MPG: variants seen among roughly 807,000 people sequenced by gnomAD.
MPG encodes N-methylpurine DNA glycosylase.
MPG carries 33 observed loss-of-function variants against 31.7 expected under a neutral mutation model. The observed-to-expected ratio is 1.04, with a 90% CI of 0.79 to 1.39. The LOEUF (loss-of-function observed/expected upper bound fraction) is 1.39. MPG is among the 40% of genes most tolerant of loss of function. The pLI is 0.00. For missense variants in MPG, 455 were observed against 415.5 expected, an observed-to-expected ratio of 1.10 and a Z score of -0.83; for synonymous variants, 202 against 169.2, an observed-to-expected ratio of 1.19 and a Z score of -1.51.
chr16:77,541 G>C (rs1419997462), upstream of MPG, among the ~76,000 whole-genome samples: 1 of 152,242 alleles, frequency 6.6e-6, no homozygotes, highest in Non-Finnish European at 1.5e-5. Context: ...CTCTAGAGGA[G>C]GCTGCCTGCG....
rs145981332 is a variant in MPG, at chr16:83,207, C to T, written c.456C>T (p.Tyr152=). ...RGMFMKPGTL[Y]VYIIYGMYFC... ...TGTTCATGAAGCCGGGGACCCTGTA[C>T]GTGTACATCATTTACGGCATGTACT... The change falls in exon 3 of 4, where the codon TAC becomes TAT. Residue 152 remains tyrosine (Y), a synonymous_variant. Transcript: ENST00000356432. The T allele has an allele frequency of 2.1e-5, 34 of 1,613,150 alleles. No individual in the cohort carries two copies. The highest frequency in any genetic ancestry group is 1.7e-4 in the Middle Eastern group (1 of 6,058).
intron 3 of MPG, 25 bp downstream of exon 3, chr16:83,281 G>A (rs2266608): frequency 1.1e-5 from 17 of 1,595,544 alleles, no homozygotes; most frequent in Admixed American, 6.8e-5. Context: ...GGCACGGGGG[G>A]TTGGAGGGCC....
chr16:81,076 C>G (rs1898224322), intron 2 of MPG, among the ~76,000 whole-genome samples: 1 of 152,174 alleles, frequency 6.6e-6, no homozygotes, highest in South Asian at 2.1e-4. Flanking sequence ...CTAGTGGATG[C>G]CCTTGCAGAC....
chr16:79,267 G>A, intron 1 of MPG, 158 bp from the exon 2 acceptor site: 4 of 1,561,110 alleles, frequency 2.6e-6, no homozygotes, highest in Non-Finnish European at 3.5e-6. Context: ...GTGTCAGGGT[G>A]TTTGTGCCTC....
intron 2 of MPG, among the ~76,000 whole-genome samples, chr16:81,382 C>T (rs981708893): frequency 6.6e-6 from 1 of 152,168 alleles, no homozygotes; most frequent in Non-Finnish European, 1.5e-5. Context: ...TTGGGCCCCC[C>T]CAGTGTGCCC....
rs908130067 is a variant in MPG, at chr16:80,775, C to G, written c.300+1075C>G. Among the ~76,000 whole-genome samples, 3 of 152,244 alleles carry G rather than the reference C, an allele frequency of 2.0e-5. No homozygotes were observed. In the South Asian group the frequency reaches 6.2e-4, roughly 32 times the overall value. ...AGAGAGCTGAGATCACGCCATTGCA[C>G]TCCGGCCTGGGCGACAGGGCGAGAC... On this transcript the variant is annotated intron_variant, in intron 2 of 3. Coordinates refer to ENST00000356432, the MANE Select transcript of MPG (RefSeq NM_001015052.3).
At chr16:84,166 G>A (rs1898347816) in intron 3 of MPG, 1 of 152,228 alleles carries the variant, frequency 6.6e-6, no homozygotes, top group African/African-American at 2.4e-5. Flanking sequence ...GGATGTAGAG[G>A]GTCCTGCTCC....
intron 3 of MPG, 177 bp downstream of exon 3, chr16:83,433 T>G (rs1285127807): frequency 1.5e-6 from 1 of 665,844 alleles, no homozygotes; most frequent in South Asian, 1.9e-5. Context: ...GCTGGTTAGG[T>G]TAAAGGGGTA....
rs1898187962 is a variant in MPG at position 79,629 on chromosome 16, C to T, written c.229C>T (p.His77Tyr). The change falls in exon 2 of 4, where the codon CAC becomes TAC. Residue 77 changes from histidine to tyrosine, a missense_variant. Transcript: ENST00000356432. Reference protein sequence around the residue: ...RSIYFSSPKGHLTRLGLEFFD... With the variant: ...RSIYFSSPKGYLTRLGLEFFD... ...CATCTATTTCTCAAGCCCAAAGGGCCACCTTACCCGACTGGGGTTGGAGTT... is the reference window on the plus strand; with the variant it reads ...CATCTATTTCTCAAGCCCAAAGGGCTACCTTACCCGACTGGGGTTGGAGTT... 2 of 1,587,704 alleles carry T rather than the reference C, an allele frequency of 1.3e-6. No homozygotes were observed. The highest frequency in any genetic ancestry group is 2.7e-5 in the African/African-American group (2 of 74,314).
chr16:80,860 TG>T (rs1368104756), intron 2 of MPG, among the ~76,000 whole-genome samples: 2 of 152,136 alleles, frequency 1.3e-5, no homozygotes, highest in Non-Finnish European at 2.9e-5. Context: ...AAACAGCACG[TG>T]TGGCAGGTGC....
At position 79,494 on chromosome 16, in the gene MPG, G is replaced by C. The variant is rs776852627; in HGVS notation, c.94G>C (p.Ala32Pro). The change falls in exon 2 of 4, where the codon GCA becomes CCA. Residue 32 changes from alanine (A) to proline (P), a missense_variant. Ala to Pro is a conservative substitution (Grantham distance 27). Transcript: ENST00000356432. ...RAGQPHSSSD[A>P]AQAPAEQPHS... ...AGGGCAGCCACACAGCTCGTCCGACGCAGCCCAGGCACCTGCAGAGCAGCC... is the reference window on the plus strand; with the variant it reads ...AGGGCAGCCACACAGCTCGTCCGACCCAGCCCAGGCACCTGCAGAGCAGCC... 3 of 1,612,490 alleles carry C rather than the reference G, an allele frequency of 1.9e-6. No homozygotes were observed. The highest frequency in any genetic ancestry group is 4.5e-5 in the East Asian group (2 of 44,876).
At position 82,255 on chromosome 16, in the gene MPG, G is replaced by T. The variant is rs546158607; in HGVS notation, c.301-797G>T. On this transcript the variant is annotated intron_variant, in intron 2 of 3. Coordinates refer to ENST00000356432, the MANE Select transcript of MPG (RefSeq NM_001015052.3). ...GGGAAGCCCTCCTGAATGCTCCCCC[G>T]GCGAGCATCTAAGCTCCAGTGCCCC... Among the ~76,000 whole-genome samples, 6 of 147,954 alleles carry T rather than the reference G, an allele frequency of 4.1e-5. 2 individuals carry two copies. The highest frequency in any genetic ancestry group is 1.5e-5 in the Non-Finnish European group (1 of 66,600).
intron 3 of MPG, 23 bp downstream of exon 3, chr16:83,279 G>A: frequency 6.3e-7 from 1 of 1,597,318 alleles, no homozygotes; most frequent in Non-Finnish European, 8.6e-7. Flanking sequence ...GGGGCACGGG[G>A]GGTTGGAGGG....
chr16:83,405 C>T (rs555639338), intron 3 of MPG, 149 bp downstream of exon 3: 2 of 799,272 alleles, frequency 2.5e-6, no homozygotes, highest in African/African-American at 1.7e-5. Flanking sequence ...GGAGCTCTGG[C>T]TACGCTGACG....
chr16:84,029 T>TCACACTTCACACA (rs1898340217), intron 3 of MPG, among the ~76,000 whole-genome samples: 1 of 152,066 alleles, frequency 6.6e-6, no homozygotes, highest in Non-Finnish European at 1.5e-5. Flanking sequence ...GGGACTTGGA[T>TCACACTTCACACA]GTGTTCTGTG....
chr16:78,220 G>A, upstream of MPG: 2 of 1,227,880 alleles, frequency 1.6e-6, no homozygotes, highest in South Asian at 1.9e-5. Flanking sequence ...GCGCCGCTCC[G>A]CCCCGGTCCT....
chr16:83,415 G>A lies in MPG; in HGVS notation c.505+159G>A, dbSNP rs114798083. ...TTTCGGGAGCTCTGGCTACGCTGAC[G>A]GGGCAGGGCTGGTTAGGTTAAAGGG... is the stretch of plus-strand genomic sequence containing the variant. On this transcript the variant is annotated intron_variant, in intron 3 of 3. Transcript: ENST00000356432. The A allele has an allele frequency of 3.6e-3, 2,642 of 741,334 alleles. 48 individuals carry two copies. The African/African-American group carries it at 0.036, about 10-fold the overall frequency. 45.9% of individuals were successfully genotyped at this position (741,334 alleles called of 1,614,324 possible).
intron 3 of MPG, among the ~76,000 whole-genome samples, chr16:83,776 G>A (rs990337940): frequency 6.6e-6 from 1 of 151,898 alleles, no homozygotes; most frequent in African/African-American, 2.4e-5. Context: ...AGAAAGGGTT[G>A]GTTGGAGTGG....
upstream of MPG, among the ~76,000 whole-genome samples, chr16:77,726 A>G (rs1225106622): frequency 8.5e-5 from 13 of 152,086 alleles, no homozygotes; most frequent in Non-Finnish European, 1.3e-4. Context: ...CCTGGCGTCC[A>G]CTTCCTGGAT....
Sources: gnomAD v4.1 joint callset for allele counts (sites outside exome capture counted in the v4.1 genomes callset) on GRCh38, gnomAD v4.1.1 for gene constraint, MANE v1.5 for transcripts, NCBI Gene and HGNC (gene_info 2026-07-23, HGNC 2026-07-21) for gene names.